PDE1C: variants seen among roughly 807,000 people sequenced by gnomAD.
PDE1C encodes the protein phosphodiesterase 1C.
PDE1C carries 62 observed loss-of-function variants against 93.1 expected under a neutral mutation model. That is an observed-to-expected ratio of 0.67 (90% CI 0.54 to 0.82). The LOEUF (loss-of-function observed/expected upper bound fraction) is 0.82. Ranked by LOEUF, PDE1C falls within the 40% of genes least tolerant of loss-of-function variation. PDE1C has a pLI of 0.00. For missense variants in PDE1C, 742 were observed against 884.6 expected, an observed-to-expected ratio of 0.84 and a Z score of 2.04; for synonymous variants, 325 against 310.1, an observed-to-expected ratio of 1.05 and a Z score of -0.50.
the PDE1C span, among the ~76,000 whole-genome samples, chr7:31,668,848 T>TA: frequency 9.2e-5 from 14 of 151,528 alleles, no homozygotes; most frequent in South Asian, 4.2e-4. Context: ...AATGAACTAC[T>TA]AAAAAAAAAT....
chr7:32,279,309 A>C (rs1811478268), intron 1 of PDE1C, among the ~76,000 whole-genome samples: 1 of 152,210 alleles, frequency 6.6e-6, no homozygotes, highest in Non-Finnish European at 1.5e-5. Flanking sequence ...AAGGTAAAGA[A>C]AATATAGCCC....
chr7:32,079,779 C>T (rs55894955), intron 3 of PDE1C, among the ~76,000 whole-genome samples: 12,289 of 152,194 alleles, frequency 0.081, 588 homozygotes, highest in African/African-American at 0.11. Context: ...AGTCCTCTTA[C>T]GGGCTAAGCC....
At chr7:32,192,673 A>G (rs1008776582) in intron 2 of PDE1C, among the ~76,000 whole-genome samples, 2 of 152,050 alleles carry the variant, frequency 1.3e-5, no homozygotes, top group Admixed American at 6.6e-5. Flanking sequence ...TCTACTTCCT[A>G]CGATTTTCTG....
chr7:32,030,946 C>T (rs1309169820), intron 2 of PDE1C, among the ~76,000 whole-genome samples: 3 of 151,996 alleles, frequency 2.0e-5, no homozygotes, highest in Non-Finnish European at 4.4e-5. Flanking sequence ...CAACAAGAGG[C>T]ATATCCCATA....
At chr7:31,998,230 A>G (rs374856491) in intron 2 of PDE1C, among the ~76,000 whole-genome samples, 14 of 152,116 alleles carry the variant, frequency 9.2e-5, no homozygotes, top group Admixed American at 3.3e-4. Flanking sequence ...CATGTTAGCC[A>G]GGATGGTCTC....
intron 3 of PDE1C, among the ~76,000 whole-genome samples, chr7:32,159,125 G>A (rs578181124): frequency 6.6e-6 from 1 of 152,288 alleles, no homozygotes; most frequent in Admixed American, 6.5e-5. Flanking sequence ...AGAGGGTGGG[G>A]GAGGACAAAT....
chr7:31,881,339 A>C (rs1305721701), intron 2 of PDE1C, among the ~76,000 whole-genome samples: 1 of 152,210 alleles, frequency 6.6e-6, no homozygotes, highest in Non-Finnish European at 1.5e-5. Context: ...CAAGAGGGCT[A>C]CAGAAGGAAT....
At chr7:32,376,163 A>C (rs552925684) in intron 1 of PDE1C, among the ~76,000 whole-genome samples, 2 of 147,214 alleles carry the variant, frequency 1.4e-5, no homozygotes, top group South Asian at 4.3e-4. Context: ...TGTCAAAAAA[A>C]GAAAGAAAGA....
intron 1 of PDE1C, among the ~76,000 whole-genome samples, chr7:32,374,082 A>AG (rs1374071961): frequency 3.9e-3 from 21 of 5,422 alleles, no homozygotes; most frequent in African/African-American, 0.012. Flanking sequence ...GGGAGGAGGG[A>AG]GGAGGGAGGG....
intron 2 of PDE1C, among the ~76,000 whole-genome samples, chr7:32,177,497 C>T (rs377735790): frequency 1.4e-3 from 211 of 152,282 alleles, no homozygotes; most frequent in African/African-American, 4.9e-3. Flanking sequence ...AGCAGTCCTC[C>T]TCTCAGGGGT....
chr7:32,317,297 T>C (rs1012618463), intron 1 of PDE1C, among the ~76,000 whole-genome samples: 2 of 152,172 alleles, frequency 1.3e-5, no homozygotes, highest in African/African-American at 2.4e-5. Context: ...TGTGCCAGAC[T>C]CTTTTACCTA....
chr7:31,998,776 A>G (rs1785088472), intron 2 of PDE1C, among the ~76,000 whole-genome samples: 1 of 152,250 alleles, frequency 6.6e-6, no homozygotes, highest in African/African-American at 2.4e-5. Flanking sequence ...TTATTTCCAC[A>G]GCCAAATCCC....
intron 3 of PDE1C, among the ~76,000 whole-genome samples, chr7:32,138,319 T>C (rs1800321500): frequency 6.6e-6 from 1 of 152,148 alleles, no homozygotes; most frequent in African/African-American, 2.4e-5. Context: ...CTTAGAGGTG[T>C]GTTATGAAAA....
chr7:31,657,672 T>C, the PDE1C span, among the ~76,000 whole-genome samples: 1 of 152,176 alleles, frequency 6.6e-6, no homozygotes, highest in Non-Finnish European at 1.5e-5. Context: ...CCCAAGATCC[T>C]GTATTCCTTT....
At chr7:31,981,737 T>C (rs1812400859) in intron 2 of PDE1C, among the ~76,000 whole-genome samples, 1 of 152,340 alleles carries the variant, frequency 6.6e-6, no homozygotes, top group Admixed American at 6.5e-5. Context: ...ACACATATAG[T>C]TGTATGTGTC....
the PDE1C span, among the ~76,000 whole-genome samples, chr7:31,623,880 T>A: frequency 7.2e-5 from 11 of 152,126 alleles, no homozygotes; most frequent in Non-Finnish European, 1.6e-4. Context: ...CCCCATTGTC[T>A]CAGCCCAAAA....
intron 3 of PDE1C, among the ~76,000 whole-genome samples, chr7:32,146,534 A>G (rs1024678476): frequency 1.3e-5 from 2 of 152,082 alleles, no homozygotes; most frequent in Non-Finnish European, 2.9e-5. Flanking sequence ...TTCACTCATC[A>G]GGATACCTTT....
intron 2 of PDE1C, among the ~76,000 whole-genome samples, chr7:32,201,760 T>C (rs1805028667): frequency 6.6e-6 from 1 of 152,210 alleles, no homozygotes; most frequent in Admixed American, 6.5e-5. Context: ...GGTGGTAGAA[T>C]GGCTAAATGG....
intron 2 of PDE1C, among the ~76,000 whole-genome samples, chr7:31,908,843 T>A (rs1800899613): frequency 6.6e-6 from 1 of 152,168 alleles, no homozygotes; most frequent in Non-Finnish European, 1.5e-5. Context: ...GTGAAGGTAT[T>A]TTGTAAATGT....
Sources: gnomAD v4.1 joint callset for allele counts (sites outside exome capture counted in the v4.1 genomes callset) on GRCh38, gnomAD v4.1.1 for gene constraint, MANE v1.5 for transcripts, NCBI Gene and HGNC (gene_info 2026-07-23, HGNC 2026-07-21) for gene names.